The following FGF13 variants were observed in gnomAD, a reference collection of about 807,000 sequenced individuals.
The protein encoded by FGF13 is fibroblast growth factor 13, also known as fibroblast growth factor homologous factor 2.
In FGF13, 2 loss-of-function variants were observed where a neutral mutation model predicts 19.5. The ratio of observed to expected loss-of-function variants is 0.10; its 90% CI spans 0.04 to 0.32. FGF13 has a LOEUF of 0.32. Ranked by LOEUF, FGF13 falls within the 10% of genes least tolerant of loss-of-function variation. FGF13 has a pLI of 1.00. For synonymous variants in FGF13, 72 were observed against 76.9 expected, an observed-to-expected ratio of 0.94 and a Z score of 0.33; for missense variants, 113 against 192.7, an observed-to-expected ratio of 0.59 and a Z score of 2.45.
In FGF13 at chrX:138,846,139, G is replaced by GT. The variant is rs765396818; in HGVS notation, c.217+11372dup. 5.1e-3 allele frequency among the ~76,000 whole-genome samples: 559 copies of GT among 109,452 alleles called. 2 individuals are homozygous for GT. The highest frequency in any genetic ancestry group is 8.6e-3 in the Non-Finnish European group (449 of 52,429). ...GAGCTGTACTATTCTGCTTTTAAGT[G>GT]TTTTTTCCCCCAAATAAACTATTTT... On this transcript the variant is annotated intron_variant, in intron 3 of 6. Transcript: ENST00000436198.
intron 1 of FGF13, among the ~76,000 whole-genome samples, chrX:138,984,577 A>AGAG (rs1237831279): frequency 1.8e-5 from 1 of 54,569 alleles, no homozygotes; most frequent in African/African-American, 6.9e-5. Context: ...AAGAAGAAGA[A>AGAG]GAAGAAGAAG....
chrX:138,962,198 T>A (rs1249701691), intron 1 of FGF13, among the ~76,000 whole-genome samples: 6 of 112,027 alleles, frequency 5.4e-5, no homozygotes, highest in African/African-American at 9.7e-5. Flanking sequence ...ATGAACAGAC[T>A]CTTCTCAAAA....
At chrX:138,833,830 C>T (rs763077418) in intron 3 of FGF13, among the ~76,000 whole-genome samples, 1 of 111,498 alleles carries the variant, frequency 9.0e-6, no homozygotes, top group Admixed American at 9.5e-5. Flanking sequence ...GTGGTATATT[C>T]CTTTGATACC....
intron 1 of FGF13, among the ~76,000 whole-genome samples, chrX:138,871,923 G>C (rs1323159228): frequency 8.9e-6 from 1 of 111,857 alleles, no homozygotes; most frequent in Non-Finnish European, 1.9e-5. Flanking sequence ...CCACTGGATA[G>C]TGTCAGGCAG....
chrX:138,916,918 A>C (rs1186935318), intron 1 of FGF13, among the ~76,000 whole-genome samples: 2 of 111,648 alleles, frequency 1.8e-5, no homozygotes, highest in African/African-American at 6.5e-5. Flanking sequence ...ATTATCCCTA[A>C]ATTACCCAAA....
chrX:138,686,883 C>T (rs868249566), intron 3 of FGF13, among the ~76,000 whole-genome samples: 2 of 111,710 alleles, frequency 1.8e-5, no homozygotes, highest in African/African-American at 6.5e-5. Flanking sequence ...CAATTAAGCA[C>T]GGGTGGTTAA....
chrX:138,951,589 A>G (rs1031741337), intron 1 of FGF13, among the ~76,000 whole-genome samples: 1 of 112,019 alleles, frequency 8.9e-6, no homozygotes, highest in African/African-American at 3.2e-5. Flanking sequence ...AGACTTGAAC[A>G]GATGCTTCAC....
intron 1 of FGF13, chrX:138,984,967 G>C: frequency 3.0e-6 from 1 of 335,211 alleles, no homozygotes; most frequent in South Asian, 2.8e-5. Context: ...GATAAAGGCA[G>C]TTTGGGGGAA....
intron 1 of FGF13, among the ~76,000 whole-genome samples, chrX:139,193,425 T>C (rs1308728099): frequency 8.9e-6 from 1 of 111,955 alleles, no homozygotes; most frequent in East Asian, 2.8e-4. Flanking sequence ...GCACTTGCTT[T>C]GTGAAAAGGA....
intron 3 of FGF13, among the ~76,000 whole-genome samples, chrX:138,686,150 G>A (rs1254197326): frequency 9.0e-6 from 1 of 111,383 alleles, no homozygotes; most frequent in Admixed American, 9.6e-5. Context: ...TACTATTTAT[G>A]CAAAACTGAT....
At chrX:138,750,214 G>T (rs760070279) in intron 3 of FGF13, among the ~76,000 whole-genome samples, 1 of 110,997 alleles carries the variant, frequency 9.0e-6, no homozygotes, top group Non-Finnish European at 1.9e-5. Flanking sequence ...AACCTGGAGC[G>T]CATTTCCCCA....
chrX:138,806,124 T>C (rs2090864897), intron 3 of FGF13, among the ~76,000 whole-genome samples: 1 of 112,287 alleles, frequency 8.9e-6, no homozygotes, highest in Non-Finnish European at 1.9e-5. Flanking sequence ...CATCTTACTC[T>C]AGTCATTTTT....
chrX:139,085,573 T>C (rs1056127784), intron 1 of FGF13, among the ~76,000 whole-genome samples: 2 of 112,129 alleles, frequency 1.8e-5, no homozygotes, highest in African/African-American at 6.5e-5. Context: ...CAGCTACATT[T>C]TAGCCTTAGT....
chrX:138,659,789 G>A (rs887108233), intron 3 of FGF13, among the ~76,000 whole-genome samples: 4 of 111,392 alleles, frequency 3.6e-5, no homozygotes, highest in African/African-American at 1.3e-4. Flanking sequence ...ACCATCATTC[G>A]CAGCAAACTA....
chrX:138,851,027 A>G (rs902036974), intron 3 of FGF13, among the ~76,000 whole-genome samples: 1 of 111,320 alleles, frequency 9.0e-6, no homozygotes, highest in Non-Finnish European at 1.9e-5. Flanking sequence ...GCTGAGGATA[A>G]TGGCCTCTGG....
At chrX:139,180,909 G>A (rs1441604042) in intron 1 of FGF13, among the ~76,000 whole-genome samples, 1 of 112,177 alleles carries the variant, frequency 8.9e-6, no homozygotes, top group Non-Finnish European at 1.9e-5. Flanking sequence ...TACGTGCCAG[G>A]TACTACATGA....
chrX:139,044,609 A>G (rs1442937426), intron 1 of FGF13, among the ~76,000 whole-genome samples: 2 of 111,323 alleles, frequency 1.8e-5, no homozygotes, highest in Non-Finnish European at 3.8e-5. Context: ...GCAAAATACA[A>G]TCATGCCTTC....
At chrX:138,757,545 AT>A (rs201191599) in intron 3 of FGF13, among the ~76,000 whole-genome samples, 84 of 110,092 alleles carry the variant, frequency 7.6e-4, no homozygotes, top group African/African-American at 2.7e-3. Context: ...TTCTCTGTGA[AT>A]TTTTTTTTCT....
intron 1 of FGF13, among the ~76,000 whole-genome samples, chrX:138,899,448 C>A (rs917027683): frequency 2.7e-5 from 3 of 111,311 alleles, no homozygotes; most frequent in Non-Finnish European, 5.7e-5. Context: ...ACTTTATCAT[C>A]CCTTTCCTTA....
Sources: allele counts gnomAD v4.1 joint callset (sites outside exome capture counted in the v4.1 genomes callset), GRCh38; gene constraint gnomAD v4.1.1; transcripts MANE v1.5; gene names NCBI Gene and HGNC (gene_info 2026-07-23, HGNC 2026-07-21).